CHST11: variants seen among roughly 807,000 people sequenced by gnomAD.
CHST11 encodes the protein C4S-1.
CHST11 carries 9 observed loss-of-function variants against 30.4 expected under a neutral mutation model. That is an observed-to-expected ratio of 0.30 (90% CI 0.18 to 0.52). The LOEUF (loss-of-function observed/expected upper bound fraction) is 0.52, where lower values mean the gene tolerates loss of function less well. CHST11 is among the 20% of genes least tolerant of loss of function. The probability of loss-of-function intolerance (pLI) is 0.97; values close to 1 mark genes in which losing one functional copy is unlikely to be tolerated. For synonymous variants in CHST11, 152 were observed against 187.8 expected, an observed-to-expected ratio of 0.81 and a Z score of 1.56; for missense variants, 348 against 460.6, an observed-to-expected ratio of 0.76 and a Z score of 2.24.
intron 1 of CHST11, among the ~76,000 whole-genome samples, chr12:104,504,262 C>T (rs2037880706): frequency 6.6e-6 from 1 of 152,234 alleles, no homozygotes; most frequent in South Asian, 2.1e-4. Flanking sequence ...CCCGACTGCT[C>T]ATGGCTGAAG....
intron 1 of CHST11, among the ~76,000 whole-genome samples, chr12:104,571,666 C>T (rs796860962): frequency 3.3e-5 from 5 of 152,274 alleles, no homozygotes; most frequent in African/African-American, 1.2e-4. Context: ...CTTTCTGGCT[C>T]CTAACCCCTG....
At chr12:104,732,871 G>A (rs1054102886) in intron 2 of CHST11, among the ~76,000 whole-genome samples, 5 of 152,236 alleles carry the variant, frequency 3.3e-5, no homozygotes, top group Non-Finnish European at 2.9e-5. Context: ...CATCGGAATT[G>A]GAAGCTTTCT....
At position 104,740,072 on chromosome 12, in the gene CHST11, A is replaced by G. The variant is rs57485752; in HGVS notation, c.205-16877A>G. Among the ~76,000 whole-genome samples the G allele has an allele frequency of 2.4e-3, 371 of 152,350 alleles. 3 individuals are homozygous for G. The highest frequency in any genetic ancestry group is 8.3e-3 in the African/African-American group (345 of 41,576). ...CTGTAAAAATTGTATCCTGAAATCAATGTATTTAGTTTCTACCACTTAGTT... is the reference window on the plus strand; with the variant it reads ...CTGTAAAAATTGTATCCTGAAATCAGTGTATTTAGTTTCTACCACTTAGTT... On this transcript the variant is annotated intron_variant, in intron 2 of 2. Transcript: ENST00000303694.
intron 1 of CHST11, among the ~76,000 whole-genome samples, chr12:104,490,711 C>T (rs1220405846): frequency 6.6e-6 from 1 of 152,172 alleles, no homozygotes; most frequent in African/African-American, 2.4e-5. Context: ...GGGCTTTTTT[C>T]ACCCTTTGAA....
At chr12:104,470,827 T>C (rs1412372341) in intron 1 of CHST11, among the ~76,000 whole-genome samples, 1 of 152,190 alleles carries the variant, frequency 6.6e-6, no homozygotes, top group African/African-American at 2.4e-5. Flanking sequence ...CAGCAAACAC[T>C]GTACTCTTCA....
chr12:104,481,037 C>CT (rs1275333249), intron 1 of CHST11, among the ~76,000 whole-genome samples: 1 of 152,212 alleles, frequency 6.6e-6, no homozygotes, highest in Non-Finnish European at 1.5e-5. Context: ...CGGGATGTGA[C>CT]TCAGCAGAGG....
At chr12:104,708,481 C>G (rs955780801) in intron 2 of CHST11, among the ~76,000 whole-genome samples, 40 of 152,242 alleles carry the variant, frequency 2.6e-4, no homozygotes, top group African/African-American at 9.1e-4. Context: ...TGAGGATCTC[C>G]TATCTCTGGC....
At chr12:104,663,226 C>G (rs75442130) in intron 2 of CHST11, among the ~76,000 whole-genome samples, 1 of 152,196 alleles carries the variant, frequency 6.6e-6, no homozygotes, top group African/African-American at 2.4e-5. Flanking sequence ...ACTTCCATCT[C>G]GTGACGTTCT....
At chr12:104,633,980 T>TC (rs1390037884) in intron 2 of CHST11, among the ~76,000 whole-genome samples, 1 of 152,156 alleles carries the variant, frequency 6.6e-6, no homozygotes, top group Non-Finnish European at 1.5e-5. Flanking sequence ...TCCTATTCCC[T>TC]TCCCTTGACT....
intron 2 of CHST11, among the ~76,000 whole-genome samples, chr12:104,672,743 CTG>C (rs2039707643): frequency 6.6e-6 from 1 of 152,234 alleles, no homozygotes; most frequent in Non-Finnish European, 1.5e-5. Flanking sequence ...GTGATTCTGA[CTG>C]TGACTCTCCC....
intron 2 of CHST11, among the ~76,000 whole-genome samples, chr12:104,614,079 A>G (rs898266649): frequency 6.6e-6 from 1 of 152,230 alleles, no homozygotes; most frequent in Non-Finnish European, 1.5e-5. Context: ...ATGTGAGGTG[A>G]TAGATGTGTT....
At chr12:104,656,881 G>A (rs537313992) in intron 2 of CHST11, among the ~76,000 whole-genome samples, 3 of 152,282 alleles carry the variant, frequency 2.0e-5, no homozygotes, top group African/African-American at 4.8e-5. Flanking sequence ...GGCTACAGAG[G>A]TGACAGTCCC....
At chr12:104,591,241 A>G (rs1245225751) in intron 1 of CHST11, among the ~76,000 whole-genome samples, 1 of 152,150 alleles carries the variant, frequency 6.6e-6, no homozygotes, top group Non-Finnish European at 1.5e-5. Flanking sequence ...TTTTGTTCTA[A>G]GATGGTGGCA....
At chr12:104,461,796 C>T (rs1593946352) in intron 1 of CHST11, among the ~76,000 whole-genome samples, 1 of 152,240 alleles carries the variant, frequency 6.6e-6, no homozygotes, top group South Asian at 2.1e-4. Context: ...TTCACTTGAT[C>T]AGGTTGAACC....
chr12:104,619,360 C>CT (rs994273000), intron 2 of CHST11, among the ~76,000 whole-genome samples: 3 of 151,860 alleles, frequency 2.0e-5, no homozygotes, highest in South Asian at 2.1e-4. Context: ...GGGCTTGGAA[C>CT]TTTTTTTTTA....
chr12:104,692,200 C>T (rs546412405), intron 2 of CHST11, among the ~76,000 whole-genome samples: 2 of 152,326 alleles, frequency 1.3e-5, no homozygotes, highest in East Asian at 3.9e-4. Context: ...GAGCGAACCT[C>T]GGTCCGCAGT....
At chr12:104,662,346 G>T (rs2039605362) in intron 2 of CHST11, among the ~76,000 whole-genome samples, 4 of 152,142 alleles carry the variant, frequency 2.6e-5, no homozygotes. Context: ...TACCTCGTGG[G>T]GTGGTTGTGA....
intron 2 of CHST11, among the ~76,000 whole-genome samples, chr12:104,652,875 C>T (rs1383296124): frequency 6.6e-6 from 1 of 152,170 alleles, no homozygotes; most frequent in Non-Finnish European, 1.5e-5. Flanking sequence ...CCCTGCTTGG[C>T]CTCTGCTCCC....
Position 104,757,245 on chromosome 12 carries a change from C to G in CHST11, c.501C>G (p.Tyr167Ter), listed in dbSNP as rs770874557. The change falls in exon 3 of 3, where the codon TAC becomes TAG. Residue 167 changes from tyrosine (Y) to a stop codon, truncating the protein, a stop_gained. Transcript: ENST00000303694. LOFTEE classifies it high-confidence loss of function. The surrounding 1 kb of genome is among the most constrained non-coding windows in gnomAD (Gnocchi z 6.5). ...VSANLKTLNQYSIPEINHRLK... is the reference protein window; with the variant it reads ...VSANLKTLNQ ...CCAACCTGAAGACCCTGAACCAGTA[C>G]AGCATCCCAGAAATCAACCACCGCT... The G allele has an allele frequency of 6.2e-7, 1 of 1,614,092 alleles. No homozygotes were observed. The highest frequency in any genetic ancestry group is 8.5e-7 in the Non-Finnish European group (1 of 1,180,016).
Sources: gnomAD v4.1 joint callset for allele counts (sites outside exome capture counted in the v4.1 genomes callset) on GRCh38, gnomAD v4.1.1 for gene constraint, Gnocchi (gnomAD v3.1) non-coding constraint, MANE v1.5 for transcripts, NCBI Gene and HGNC (gene_info 2026-07-23, HGNC 2026-07-21) for gene names.